Variants in MAVS observed in about 807,000 individuals in gnomAD.
The protein encoded by MAVS is mitochondrial antiviral-signaling protein.
In MAVS, 20 loss-of-function variants were observed where a neutral mutation model predicts 30.2. The observed-to-expected ratio is 0.66, with a 90% CI of 0.47 to 0.96. The LOEUF is 0.96. Among genes scored for constraint, MAVS ranks in the 40% least tolerant of loss-of-function variants. The probability of loss-of-function intolerance (pLI) is 0.00; values close to 1 mark genes in which losing one functional copy is unlikely to be tolerated. For synonymous variants in MAVS, 278 were observed against 293.9 expected (o/e 0.95, Z 0.55); for missense variants, 624 against 701.1 (o/e 0.89, Z 1.24).
rs1363918350 is a variant in MAVS, at chr20:3,854,752, GAA to G, written c.117+12_117+13del. ...ACAGCAAGAGACCAGGTGAGCAAGG[GAA>G]GTGACAGCCCGACACTGGCCTGGGG... On this transcript the variant is annotated intron_variant, in intron 2 of 6. Coordinates refer to ENST00000428216, the MANE Select transcript of MAVS (RefSeq NM_020746.5). The G allele has an allele frequency of 6.3e-7, 1 of 1,590,830 alleles. No homozygotes were observed. Among genetic ancestry groups the G allele is most frequent in the Non-Finnish European group, 8.6e-7 (1 of 1,159,140 alleles).
chr20:3,855,602 T>C (rs1483407524), intron 2 of MAVS, among the ~76,000 whole-genome samples: 2 of 152,166 alleles, frequency 1.3e-5, no homozygotes, highest in Non-Finnish European at 2.9e-5. Context: ...GTTGGCTCTT[T>C]TGGGGCCTCC....
At chr20:3,851,950 T>A (rs1318326521) in intron 1 of MAVS, among the ~76,000 whole-genome samples, 1 of 150,168 alleles carries the variant, frequency 6.7e-6, no homozygotes, top group East Asian at 2.0e-4. Flanking sequence ...AGTCTGGAAC[T>A]CTGTCTCAAA....
At chr20:3,851,879 C>A (rs933344934) in intron 1 of MAVS, among the ~76,000 whole-genome samples, 1 of 151,450 alleles carries the variant, frequency 6.6e-6, no homozygotes, top group Non-Finnish European at 1.5e-5. Flanking sequence ...CACTTGAACC[C>A]GGAAGGCAGA....
chr20:3,859,246 G>C (rs144316202), intron 3 of MAVS, among the ~76,000 whole-genome samples: 7 of 151,072 alleles, frequency 4.6e-5, no homozygotes, highest in Admixed American at 2.6e-4. Flanking sequence ...GGTGGCTCAC[G>C]CCTGTAATCC....
intron 1 of MAVS, among the ~76,000 whole-genome samples, chr20:3,848,384 C>A (rs775033249): frequency 3.6e-4 from 55 of 152,260 alleles, no homozygotes; most frequent in Non-Finnish European, 6.5e-4. Context: ...CAGGCGTGAG[C>A]CACCGCGCCC....
At position 3,857,670 on chromosome 20, in the gene MAVS, C is replaced by G. The variant is rs2089823257; in HGVS notation, c.153C>G (p.Asn51Lys). ...RLRATCTLSG[N>K]RDTLWHLFNT... ...GGGCCACCTGCACACTCTCAGGGAA[C>G]CGGGACACCCTCTGGCATCTCTTCA... The change falls in exon 3 of 7, where the codon AAC (asparagine) becomes AAG (lysine). Residue 51 changes from asparagine (N) to lysine (K), a missense_variant. Coordinates refer to ENST00000428216, the MANE Select transcript of MAVS (RefSeq NM_020746.5). 1.9e-6 allele frequency: 3 copies of G among 1,614,136 alleles called. No homozygotes were observed. The highest frequency in any genetic ancestry group is 2.5e-6 in the Non-Finnish European group (3 of 1,179,984).
Position 3,876,033 on chromosome 20 carries a change from T to C in MAVS, c.*9886T>C, listed in dbSNP as rs2089988974. 6.6e-6 allele frequency: 1 copy of C among 152,348 alleles called. No homozygotes were observed. Among genetic ancestry groups the C allele is most frequent in the African/African-American group, 2.4e-5 (1 of 41,462 alleles). The allele number at this position is 152,348 out of a possible 1,614,324, so 9.4% of individuals were successfully genotyped here. ...GTGAAAGAATTACTTTAATTTTTTT[T>C]CCTACTTGCTGTCATGATGATGTCC... On this transcript the variant is annotated 3_prime_UTR_variant, in exon 7 of 7. Transcript: ENST00000428216.
intron 5 of MAVS, among the ~76,000 whole-genome samples, chr20:3,863,170 G>T (rs1370912411): frequency 6.6e-6 from 1 of 152,154 alleles, no homozygotes; most frequent in Non-Finnish European, 1.5e-5. Context: ...AGTGAATCAT[G>T]AAAACTTCTC....
rs1470422522 is a variant in MAVS at position 3,872,588 on chromosome 20, C to CCA, written c.*6442_*6443dup. 1.3e-5 allele frequency: 2 copies of CCA among 152,238 alleles called. No homozygotes were observed. Among genetic ancestry groups the CCA allele is most frequent in the Non-Finnish European group, 2.9e-5 (2 of 68,022 alleles). The allele number at this position is 152,238 out of a possible 1,614,324, so 9.4% of individuals were successfully genotyped here. On this transcript the variant is annotated 3_prime_UTR_variant, in exon 7 of 7. Transcript: ENST00000428216. ...ATGATTACAACTATCACGTGTGTGC[C>CCA]CAGCCAGGCTCAATGCCCCAGGCTG...
At position 3,861,425 on chromosome 20, in the gene MAVS, C is replaced by G; in HGVS notation, c.386C>G (p.Pro129Arg). 1 of 1,614,110 alleles carries G rather than the reference C, an allele frequency of 6.2e-7. No homozygotes were observed. The highest frequency in any genetic ancestry group is 1.3e-5 in the African/African-American group (1 of 75,026). Residue 129 changes from proline to arginine, a missense_variant, in exon 4 of 7, where the codon CCC becomes CGC. Transcript: ENST00000428216. ...PPTPAAAHSI[P>R]YNSCREKEPS... The stretch of plus-strand genomic sequence containing the variant: ...ACACCTGCTGCGGCCCACAGCATCC[C>G]CTACAACAGCTGCAGAGAGAAGGAG...
At chr20:3,859,315 G>A (rs2089842266) in intron 3 of MAVS, among the ~76,000 whole-genome samples, 1 of 151,974 alleles carries the variant, frequency 6.6e-6, no homozygotes, top group Admixed American at 6.6e-5. Flanking sequence ...AGACCAGCCT[G>A]GCCAATATGG....
chr20:3,856,571 T>G (rs1443062971), intron 2 of MAVS, among the ~76,000 whole-genome samples: 2 of 151,696 alleles, frequency 1.3e-5, no homozygotes, highest in East Asian at 3.9e-4. Context: ...AGGCTGGTCT[T>G]GAACTCCTGA....
In MAVS at chr20:3,868,209, A is replaced by C. The variant is rs572501445; in HGVS notation, c.*2062A>C. 6.6e-6 allele frequency: 1 copy of C among 152,402 alleles called. No individual in the cohort carries two copies. Among genetic ancestry groups the C allele is most frequent in the East Asian group, 1.9e-4 (1 of 5,324 alleles). The allele number at this position is 152,402 out of a possible 1,614,324, so 9.4% of individuals were successfully genotyped here. ...ATCCCCATCCCCCACCACCAATCTT[A>C]AAAAGCCCTCTGTCCCCCTACCCTA... On this transcript the variant is annotated 3_prime_UTR_variant, in exon 7 of 7. Transcript: ENST00000428216.
At position 3,862,284 on chromosome 20, in the gene MAVS, C is replaced by G; in HGVS notation, c.496C>G (p.Pro166Ala). Residue 166 changes from proline to alanine, a missense_variant, in exon 5 of 7, where the codon CCC becomes GCC. By Grantham distance (27) the Pro-to-Ala change is conservative. Coordinates refer to ENST00000428216, the MANE Select transcript of MAVS (RefSeq NM_020746.5). ...NSEQALQTLS[P>A]RAIPRNPDGG... ...AGAGCAAGCCCTGCAGACGCTCAGC[C>G]CCAGAGCCATCCCAAGGAATCCAGA... The G allele has an allele frequency of 6.2e-7, 1 of 1,614,080 alleles. No homozygotes were observed. Among genetic ancestry groups the G allele is most frequent in the African/African-American group, 1.3e-5 (1 of 75,040 alleles).
chr20:3,862,663 G>T (rs1746214454), intron 5 of MAVS, among the ~76,000 whole-genome samples: 1 of 152,084 alleles, frequency 6.6e-6, no homozygotes, highest in African/African-American at 2.4e-5. Context: ...ATATGATCCT[G>T]TGGGTCAGGC....
intron 1 of MAVS, among the ~76,000 whole-genome samples, chr20:3,850,872 C>T (rs6116067): frequency 0.072 from 9,804 of 136,014 alleles, 516 homozygotes; most frequent in African/African-American, 0.15. Context: ...GGTGACAGAG[C>T]GAAACTCCGT....
In MAVS at chr20:3,875,994, T is replaced by C. The variant is rs917111778; in HGVS notation, c.*9847T>C. ...GTATCCAAAGGAATTGGAGAAGAGA[T>C]AAACTGGTAATTGGTGAAAGAATTA... On this transcript the variant is annotated 3_prime_UTR_variant, in exon 7 of 7. Transcript: ENST00000428216. 1 of 152,370 alleles carries C rather than the reference T, an allele frequency of 6.6e-6. No homozygotes were observed. The highest frequency in any genetic ancestry group is 1.5e-5 in the Non-Finnish European group (1 of 68,038). The allele number at this position is 152,370 out of a possible 1,614,324, so 9.4% of individuals were successfully genotyped here.
At position 3,866,117 on chromosome 20, in the gene MAVS, G is replaced by A. The variant is rs372123690; in HGVS notation, c.1593G>A (p.Leu531=). ...CAGGGGTGCTGGTAGTCACACTCCT[G>A]GTGGTGCTGTACCGGCGGCGTCTGC... is the stretch of plus-strand genomic sequence containing the variant. ...AVTGVLVVTL[L]VVLYRRRLH is the part of the protein sequence containing the mutation. Residue 531 remains leucine, a synonymous_variant, in exon 7 of 7, where the codon CTG becomes CTA. Coordinates refer to ENST00000428216, the MANE Select transcript of MAVS (RefSeq NM_020746.5). The A allele has an allele frequency of 2.5e-6, 4 of 1,604,050 alleles. No homozygotes were observed. In the African/African-American group the frequency reaches 5.3e-5, roughly 21 times the overall value.
At position 3,865,411 on chromosome 20, in the gene MAVS, G is replaced by A. The variant is rs1315918929; in HGVS notation, c.1159-272G>A. Among the ~76,000 whole-genome samples the A allele has an allele frequency of 6.6e-6, 1 of 152,202 alleles. No individual in the cohort carries two copies. Among genetic ancestry groups the A allele is most frequent in the Admixed American group, 6.5e-5 (1 of 15,276 alleles). On this transcript the variant is annotated intron_variant, in intron 6 of 6. Transcript: ENST00000428216. The surrounding 1 kb of genome is among the most constrained non-coding windows in gnomAD (Gnocchi z 4.7). ...AGGCAGGATGTCAGTGCAGGATGGA[G>A]CCCCGCCCTACCAAAGGCTTCCAGG...
Sources: gnomAD v4.1 joint callset for allele counts (sites outside exome capture counted in the v4.1 genomes callset) on GRCh38, gnomAD v4.1.1 for gene constraint, Gnocchi (gnomAD v3.1) non-coding constraint, MANE v1.5 for transcripts, NCBI Gene and HGNC (gene_info 2026-07-23, HGNC 2026-07-21) for gene names.